The following ERBB4 variants were observed in gnomAD, a reference collection of about 807,000 sequenced individuals.
The protein encoded by ERBB4 is receptor tyrosine-protein kinase erbB-4.
A neutral mutation model predicts 158.0 loss-of-function variants in ERBB4; 42 were observed. That is an observed-to-expected ratio of 0.27 (90% CI 0.21 to 0.34). The LOEUF is 0.34. ERBB4 is among the 10% of genes least tolerant of loss of function. The pLI is 1.00. For synonymous variants in ERBB4, 583 were observed against 558.7 expected, an observed-to-expected ratio of 1.04 and a Z score of -0.61; for missense variants, 1,333 against 1,624.1, an observed-to-expected ratio of 0.82 and a Z score of 3.08.
intron 19 of ERBB4, among the ~76,000 whole-genome samples, chr2:211,611,292 A>T (rs2069185131): frequency 6.6e-6 from 1 of 151,880 alleles, no homozygotes; most frequent in Non-Finnish European, 1.5e-5. Flanking sequence ...GCAGATAGAA[A>T]ATAAGCTAAT....
chr2:211,409,662 T>A (rs1012681090), intron 25 of ERBB4, among the ~76,000 whole-genome samples: 1 of 152,142 alleles, frequency 6.6e-6, no homozygotes, highest in South Asian at 2.1e-4. Context: ...TTTAAGCCAA[T>A]TGATACTAAA....
chr2:212,499,089 T>G (rs1690740903), intron 1 of ERBB4, among the ~76,000 whole-genome samples: 1 of 151,960 alleles, frequency 6.6e-6, no homozygotes. Flanking sequence ...CTTTCCTGAA[T>G]TATTCAGATT....
At chr2:211,413,810 G>A (rs1162378092) in intron 25 of ERBB4, among the ~76,000 whole-genome samples, 1 of 151,930 alleles carries the variant, frequency 6.6e-6, no homozygotes, top group Non-Finnish European at 1.5e-5. Flanking sequence ...TGAAGGGTGA[G>A]GAAGGTGGAA....
At chr2:212,353,995 T>A (rs1420809612) in intron 1 of ERBB4, among the ~76,000 whole-genome samples, 1 of 152,134 alleles carries the variant, frequency 6.6e-6, no homozygotes, top group Non-Finnish European at 1.5e-5. Flanking sequence ...TGACCTATAC[T>A]GAACATTTCA....
intron 3 of ERBB4, among the ~76,000 whole-genome samples, chr2:211,895,275 G>T (rs763571102): frequency 2.1e-4 from 32 of 152,000 alleles, no homozygotes; most frequent in Non-Finnish European, 4.4e-4. Context: ...TGTTGTTGTT[G>T]TGACAGGGTC....
intron 1 of ERBB4, among the ~76,000 whole-genome samples, chr2:212,241,140 C>T (rs1190506065): frequency 1.3e-5 from 2 of 152,024 alleles, no homozygotes; most frequent in African/African-American, 2.4e-5. Flanking sequence ...GCCTGACATT[C>T]CAGCTCTTTG....
At chr2:212,045,280 C>T (rs1301235397) in intron 2 of ERBB4, among the ~76,000 whole-genome samples, 2 of 151,954 alleles carry the variant, frequency 1.3e-5, no homozygotes, top group Non-Finnish European at 2.9e-5. Flanking sequence ...GCCAACATGG[C>T]GAAATCTGTC....
At chr2:211,641,283 GT>G (rs765508928) in intron 16 of ERBB4, among the ~76,000 whole-genome samples, 1 of 151,950 alleles carries the variant, frequency 6.6e-6, no homozygotes, top group Non-Finnish European at 1.5e-5. Context: ...TGTCCCTTTT[GT>G]TTTGCTGATA....
intron 14 of ERBB4, among the ~76,000 whole-genome samples, chr2:211,671,773 T>G (rs1450818878): frequency 6.6e-6 from 1 of 152,166 alleles, no homozygotes; most frequent in African/African-American, 2.4e-5. Context: ...TAAAGACTCA[T>G]ACAGATATCC....
chr2:212,222,616 C>CTT (rs150866618), intron 1 of ERBB4, among the ~76,000 whole-genome samples: 1 of 150,068 alleles, frequency 6.7e-6, no homozygotes, highest in Non-Finnish European at 1.5e-5. Flanking sequence ...ATTCTCTTGG[C>CTT]TTTTTTTTTA....
At chr2:212,066,592 T>C (rs1335508628) in intron 2 of ERBB4, among the ~76,000 whole-genome samples, 1 of 152,030 alleles carries the variant, frequency 6.6e-6, no homozygotes, top group Non-Finnish European at 1.5e-5. Context: ...TGATATGTTT[T>C]AGTGTAAATG....
intron 2 of ERBB4, among the ~76,000 whole-genome samples, chr2:212,034,931 T>C (rs892351447): frequency 4.6e-5 from 7 of 152,304 alleles, no homozygotes; most frequent in African/African-American, 1.4e-4. Flanking sequence ...GTGGAAATTT[T>C]TAGGAAATGA....
At chr2:211,679,596 A>C (rs575477304) in intron 12 of ERBB4, among the ~76,000 whole-genome samples, 26 of 152,336 alleles carry the variant, frequency 1.7e-4, no homozygotes, top group African/African-American at 6.0e-4. Context: ...CCTGAAACAA[A>C]AAAAGTATTA....
intron 1 of ERBB4, among the ~76,000 whole-genome samples, chr2:212,450,113 A>G (rs1997469): frequency 6.7e-4 from 102 of 152,310 alleles, no homozygotes; most frequent in Non-Finnish European, 1.2e-3. Context: ...CCTAAGAACC[A>G]CTAAACCAGA....
rs926509747 is a variant in ERBB4, at chr2:211,393,629, A to G, written c.3136-5637T>C. Among the ~76,000 whole-genome samples, 6 of 152,308 alleles carry G rather than the reference A, an allele frequency of 3.9e-5. No individual in the cohort carries two copies. In the South Asian group the frequency reaches 1.0e-3, roughly 26 times the overall value. ...ATCTGAAACTCATTATCTTAAGTATAAAATGCTGATAATGTGTTACATTAC... is the reference window on the plus strand; with the variant it reads ...ATCTGAAACTCATTATCTTAAGTATGAAATGCTGATAATGTGTTACATTAC... On this transcript the variant is annotated intron_variant, in intron 25 of 27. Transcript: ENST00000342788.
chr2:212,385,358 T>C (rs1165112417), intron 1 of ERBB4, among the ~76,000 whole-genome samples: 3 of 151,816 alleles, frequency 2.0e-5, no homozygotes, highest in East Asian at 1.9e-4. Flanking sequence ...AGGAAATCAG[T>C]GGACAACAAT....
chr2:212,396,913 A>G (rs1284016637), intron 1 of ERBB4, among the ~76,000 whole-genome samples: 1 of 152,188 alleles, frequency 6.6e-6, no homozygotes, highest in Non-Finnish European at 1.5e-5. Context: ...ATGTGTCTGT[A>G]CATAAAAACA....
intron 20 of ERBB4, among the ~76,000 whole-genome samples, chr2:211,533,704 T>A (rs894246959): frequency 6.6e-6 from 1 of 152,004 alleles, no homozygotes; most frequent in African/African-American, 2.4e-5. Flanking sequence ...AGATTATTTT[T>A]AGGGATTTCC....
At chr2:212,501,889 T>G (rs1467675087) in intron 1 of ERBB4, among the ~76,000 whole-genome samples, 4 of 152,068 alleles carry the variant, frequency 2.6e-5, no homozygotes, top group Non-Finnish European at 5.9e-5. Flanking sequence ...TGATCAAAAT[T>G]TATACATGGC....
Sources: allele counts gnomAD v4.1 joint callset (sites outside exome capture counted in the v4.1 genomes callset), GRCh38; gene constraint gnomAD v4.1.1; transcripts MANE v1.5; gene names NCBI Gene and HGNC (gene_info 2026-07-23, HGNC 2026-07-21).